DYNC1I2: variants seen among roughly 807,000 people sequenced by gnomAD.
The protein encoded by DYNC1I2 is cytoplasmic dynein 1 intermediate chain 2.
Under a neutral mutation model 88.6 loss-of-function variants are expected in DYNC1I2, and 53 were observed. The ratio of observed to expected loss-of-function variants is 0.60; its 90% CI spans 0.48 to 0.75. The LOEUF is 0.75. Ranked by LOEUF, DYNC1I2 falls within the 30% of genes least tolerant of loss-of-function variation. The pLI, the probability that DYNC1I2 is intolerant of heterozygous loss-of-function variation, is 0.00. For synonymous variants in DYNC1I2, 198 were observed against 254.6 expected (o/e 0.78, Z 2.12); for missense variants, 458 against 766.6 (o/e 0.60, Z 4.75).
chr2:171,736,107 A>G (rs1688986222), intron 15 of DYNC1I2, among the ~76,000 whole-genome samples: 1 of 152,218 alleles, frequency 6.6e-6, no homozygotes, highest in African/African-American at 2.4e-5. Flanking sequence ...TTAAAAGTTC[A>G]TACTAGTCCT....
chr2:171,688,400 A>G (rs545265485), intron 1 of DYNC1I2: 1 of 152,324 alleles, frequency 6.6e-6, no homozygotes, highest in East Asian at 1.9e-4. Context: ...CAGCTGGTCA[A>G]GACTTTGTTG....
intron 3 of DYNC1I2, among the ~76,000 whole-genome samples, chr2:171,701,947 G>A (rs1686294785): frequency 6.6e-6 from 1 of 152,160 alleles, no homozygotes; most frequent in Admixed American, 6.5e-5. Flanking sequence ...ATTAAGAGTG[G>A]AGACTCAATT....
rs756855519 is a variant in DYNC1I2 at position 171,714,253 on chromosome 2, A to C, written c.396-1075A>C. Among the ~76,000 whole-genome samples the C allele has an allele frequency of 5.8e-4, 85 of 147,038 alleles. 1 individual carries two copies. The Middle Eastern group carries it at 0.011, about 18-fold the overall frequency. ...AGACATTAAAAAATTGTTATGGCCC[A>C]CATTTTGGAACATTAATTTTTAAAA... On this transcript the variant is annotated intron_variant, in intron 6 of 17. Coordinates refer to ENST00000397119, the MANE Select transcript of DYNC1I2 (RefSeq NM_001378.3).
intron 5 of DYNC1I2, among the ~76,000 whole-genome samples, chr2:171,709,758 C>T (rs1268332272): frequency 2.0e-5 from 3 of 152,138 alleles, no homozygotes; most frequent in South Asian, 2.1e-4. Context: ...CTTCTTGTTG[C>T]CCAGGCTGGA....
intron 15 of DYNC1I2, among the ~76,000 whole-genome samples, chr2:171,742,031 A>C (rs892937120): frequency 6.6e-6 from 1 of 150,388 alleles, no homozygotes; most frequent in Non-Finnish European, 1.5e-5. Context: ...ATGCCACTGC[A>C]CTCCAACCTG....
chr2:171,698,868 CAAAA>C (rs1468882135), intron 3 of DYNC1I2, among the ~76,000 whole-genome samples: 2 of 151,580 alleles, frequency 1.3e-5, no homozygotes, highest in Admixed American at 6.6e-5. Context: ...GACTCTGTCT[CAAAA>C]GAAAAGAAAA....
At chr2:171,692,236 A>G (rs1457761716) in intron 2 of DYNC1I2, among the ~76,000 whole-genome samples, 1 of 152,218 alleles carries the variant, frequency 6.6e-6, no homozygotes, top group Non-Finnish European at 1.5e-5. Context: ...TTTCATAACA[A>G]AATGTTTTGT....
Position 171,727,914 on chromosome 2 carries a change from A to G in DYNC1I2, c.1090A>G (p.Ser364Gly). The change falls in exon 12 of 18, where the codon AGC (serine) becomes GGC (glycine). Residue 364 changes from serine (S) to glycine (G), a missense_variant. By Grantham distance (56) the Ser-to-Gly change is moderately conservative. Around this residue, in one of 5 missense-constraint regions of DYNC1I2, gnomAD observed 203 missense variants for 354.2 expected, o/e 0.57. Coordinates refer to ENST00000397119, the MANE Select transcript of DYNC1I2 (RefSeq NM_001378.3). The stretch of plus-strand genomic sequence containing the variant: ...CCAAATTGTGCTTTGGGATAACCGT[A>G]GCAATAAAAGAACTCCAGTGCAAAG... ...SGQIVLWDNR[S>G]NKRTPVQRTP... 6.2e-7 allele frequency: 1 copy of G among 1,613,356 alleles called. No individual in the cohort carries two copies. The highest frequency in any genetic ancestry group is 8.5e-7 in the Non-Finnish European group (1 of 1,179,436).
Position 171,748,090 on chromosome 2 carries a change from T to C in DYNC1I2, c.*201T>C. On this transcript the variant is annotated 3_prime_UTR_variant, in exon 18 of 18. Transcript: ENST00000397119. ...TTTGGATTTGTGTCATTTTTTAATA[T>C]AGCTGATTGACTTCACAGAAAGCAG... 1 of 475,390 alleles carries C rather than the reference T, an allele frequency of 2.1e-6. No individual in the cohort carries two copies. Among genetic ancestry groups the C allele is most frequent in the Non-Finnish European group, 3.8e-6 (1 of 265,288 alleles). The allele number at this position is 475,390 out of a possible 1,614,324, so 29.4% of individuals were successfully genotyped here. A position where few individuals can be genotyped will look rare whatever the true frequency, so the allele number is the denominator to read the frequency against.
intron 3 of DYNC1I2, among the ~76,000 whole-genome samples, chr2:171,694,688 A>G (rs1685634142): frequency 6.6e-6 from 1 of 152,104 alleles, no homozygotes; most frequent in Non-Finnish European, 1.5e-5. Flanking sequence ...TAATTGGCTC[A>G]TGGCTCTGCA....
chr2:171,691,412 A>G (rs1685395943), intron 2 of DYNC1I2, among the ~76,000 whole-genome samples: 1 of 152,204 alleles, frequency 6.6e-6, no homozygotes, highest in African/African-American at 2.4e-5. Context: ...GTGTGTCTTT[A>G]GGACCAAGTT....
At chr2:171,722,215 G>A (rs1687947777) in intron 7 of DYNC1I2, among the ~76,000 whole-genome samples, 1 of 152,094 alleles carries the variant, frequency 6.6e-6, no homozygotes, top group Non-Finnish European at 1.5e-5. Flanking sequence ...ACTTGTAGGT[G>A]CAGCTTAATT....
rs1217441403 is a variant in DYNC1I2, at chr2:171,749,830, A to G, written c.*1941A>G. On this transcript the variant is annotated 3_prime_UTR_variant, in exon 18 of 18. Transcript: ENST00000397119. ...TAAGGAATTACCTTTAAAGTTGACT[A>G]TATAATAGCAAAAGAGAAAGTATTG... 6.6e-6 allele frequency among the ~76,000 whole-genome samples: 1 copy of G among 151,992 alleles called. No individual in the cohort carries two copies. The highest frequency in any genetic ancestry group is 6.6e-5 in the Admixed American group (1 of 15,170).
At chr2:171,699,591 AGTGTGTGTGTGTGTGTGT>A (rs3223500) in intron 3 of DYNC1I2, among the ~76,000 whole-genome samples, 9 of 137,822 alleles carry the variant, frequency 6.5e-5, no homozygotes, top group Admixed American at 5.1e-4. Context: ...CATCATTTGG[AGTGTGTGTGTGTGTGTGT>A]GTGTGTGTGT....
intron 6 of DYNC1I2, 75 bp from the exon 7 acceptor site, chr2:171,715,251 CTG>C (rs1188507718): frequency 3.5e-6 from 3 of 848,268 alleles, no homozygotes; most frequent in Non-Finnish European, 1.9e-6. Flanking sequence ...GTGCAAATGA[CTG>C]TTTAATTCTT....
At position 171,728,144 on chromosome 2, in the gene DYNC1I2, A is replaced by G. The variant is rs16859776; in HGVS notation, c.1144-161A>G. The stretch of plus-strand genomic sequence containing the variant: ...TTTTTTGGAGATTTATTAGAAACTC[A>G]TCTCTCTTCTGCGACAACATTTTGT... On this transcript the variant is annotated intron_variant, in intron 12 of 17. Coordinates refer to ENST00000397119, the MANE Select transcript of DYNC1I2 (RefSeq NM_001378.3). Among the ~76,000 whole-genome samples, 3 of 152,140 alleles carry G rather than the reference A, an allele frequency of 2.0e-5. No homozygotes were observed. In the South Asian group the frequency reaches 6.2e-4, roughly 32 times the overall value.
chr2:171,692,843 G>A lies in DYNC1I2; in HGVS notation c.175G>A (p.Glu59Lys), dbSNP rs1685496089. 1 of 1,608,416 alleles carries A rather than the reference G, an allele frequency of 6.2e-7. No homozygotes were observed. The highest frequency in any genetic ancestry group is 1.3e-5 in the African/African-American group (1 of 74,820). Reference sequence around the variant, plus strand: ...ATCAGATCTTGAAAAAAAAAGGAGAGAAGCTGAAGCATTGCTTCAAAGCAT... The same window carrying A: ...ATCAGATCTTGAAAAAAAAAGGAGAAAAGCTGAAGCATTGCTTCAAAGCAT... ...EESDLEKKRR[E>K]AEALLQSMGL... Residue 59 changes from glutamate to lysine, a missense_variant, in exon 3 of 18, where the codon GAA becomes AAA. Glu to Lys is a moderately conservative substitution (Grantham distance 56, BLOSUM62 1). Transcript: ENST00000397119.
chr2:171,714,182 G>C (rs937738614), intron 6 of DYNC1I2, among the ~76,000 whole-genome samples: 1 of 151,684 alleles, frequency 6.6e-6, no homozygotes, highest in Non-Finnish European at 1.5e-5. Flanking sequence ...TTAATTCTTT[G>C]ACTATACTTT....
At chr2:171,726,678 A>ATGTTAGGTATT in intron 10 of DYNC1I2, 113 bp from the exon 11 acceptor site, 1 of 1,237,562 alleles carries the variant, frequency 8.1e-7, no homozygotes, top group Non-Finnish European at 1.1e-6. Context: ...TCTTGATGAA[A>ATGTTAGGTATT]TGTTAGGTAT....
Sources: allele counts gnomAD v4.1 joint callset (sites outside exome capture counted in the v4.1 genomes callset), GRCh38; gene constraint gnomAD v4.1.1; regional missense constraint gnomAD v4.1.1; transcripts MANE v1.5; gene names NCBI Gene and HGNC (gene_info 2026-07-23, HGNC 2026-07-21).